Variants in LSAMP observed in about 807,000 individuals in gnomAD.
LSAMP encodes the protein limbic system-associated membrane protein.
A neutral mutation model predicts 38.6 loss-of-function variants in LSAMP; 7 were observed. The ratio of observed to expected loss-of-function variants is 0.18; its 90% confidence interval spans 0.10 to 0.34. The LOEUF is 0.34. Among genes scored for constraint, LSAMP ranks in the 10% least tolerant of loss-of-function variants. LSAMP has a pLI of 1.00. For missense variants in LSAMP, 313 were observed against 420.0 expected, an observed-to-expected ratio of 0.75 and a Z score of 2.23; for synonymous variants, 154 against 166.8, an observed-to-expected ratio of 0.92 and a Z score of 0.59.
chr3:116,417,328 A>C (rs188316805), intron 1 of LSAMP, among the ~76,000 whole-genome samples: 3 of 152,360 alleles, frequency 2.0e-5, no homozygotes, highest in Admixed American at 1.3e-4. Flanking sequence ...TCTCTGGGTC[A>C]GTCCTAGCCA....
chr3:116,397,562 G>A (rs1295119071), intron 1 of LSAMP, among the ~76,000 whole-genome samples: 1 of 152,170 alleles, frequency 6.6e-6, no homozygotes, highest in African/African-American at 2.4e-5. Context: ...TGAAATTTCT[G>A]TGTGTTTTGT....
chr3:116,422,848 G>T (rs1352630447), intron 1 of LSAMP, among the ~76,000 whole-genome samples: 2 of 152,064 alleles, frequency 1.3e-5, no homozygotes, highest in African/African-American at 2.4e-5. Flanking sequence ...TGTCTTACCT[G>T]GATACCTTCT....
chr3:116,331,555 GA>G (rs879667902), intron 1 of LSAMP, among the ~76,000 whole-genome samples: 6 of 152,138 alleles, frequency 3.9e-5, no homozygotes, highest in Non-Finnish European at 8.8e-5. Flanking sequence ...ATTCACATCA[GA>G]AACTTGGATA....
intron 3 of LSAMP, among the ~76,000 whole-genome samples, chr3:116,018,600 G>A (rs966802941): frequency 6.6e-6 from 1 of 151,988 alleles, no homozygotes; most frequent in African/African-American, 2.4e-5. Context: ...TATCTTTCTG[G>A]AAGATTTAAA....
At chr3:115,851,799 C>A (rs1459804943) in intron 4 of LSAMP, among the ~76,000 whole-genome samples, 2 of 152,130 alleles carry the variant, frequency 1.3e-5, no homozygotes, top group East Asian at 1.9e-4. Context: ...TCTCTTTATT[C>A]CTTTGCTGGG....
intron 3 of LSAMP, among the ~76,000 whole-genome samples, chr3:115,921,928 T>C (rs1437026890): frequency 2.6e-5 from 4 of 152,236 alleles, no homozygotes; most frequent in Admixed American, 2.0e-4. Context: ...AATAATCTTA[T>C]GATTACTCCC....
At chr3:116,442,707 A>G (rs2049453732) in intron 1 of LSAMP, among the ~76,000 whole-genome samples, 1 of 152,338 alleles carries the variant, frequency 6.6e-6, no homozygotes, top group East Asian at 1.9e-4. Context: ...ATGGTGTTTC[A>G]TAGGCGACTT....
At chr3:116,079,107 C>T (rs571815617) in intron 2 of LSAMP, among the ~76,000 whole-genome samples, 1 of 152,312 alleles carries the variant, frequency 6.6e-6, no homozygotes, top group South Asian at 2.1e-4. Context: ...TCCCTGTCCA[C>T]ATTTATACTA....
At chr3:116,048,250 A>T (rs118072299) in intron 2 of LSAMP, among the ~76,000 whole-genome samples, 2 of 152,242 alleles carry the variant, frequency 1.3e-5, no homozygotes, top group African/African-American at 4.8e-5. Flanking sequence ...GTTAACAAAC[A>T]TATATATCTT....
chr3:116,294,481 C>A (rs1251660343), intron 1 of LSAMP, among the ~76,000 whole-genome samples: 2 of 151,978 alleles, frequency 1.3e-5, no homozygotes, highest in Admixed American at 6.6e-5. Flanking sequence ...GAAAATCAAT[C>A]TGAAATAAAA....
At position 116,053,161 on chromosome 3, in the gene LSAMP, A is replaced by G. The variant is rs995986871; in HGVS notation, c.388+33163T>C. Among the ~76,000 whole-genome samples, 4 of 152,248 alleles carry G rather than the reference A, an allele frequency of 2.6e-5. No individual in the cohort carries two copies. The East Asian group carries it at 7.7e-4, about 29-fold the overall frequency. On this transcript the variant is annotated intron_variant, in intron 2 of 6. Coordinates refer to ENST00000490035, the MANE Select transcript of LSAMP (RefSeq NM_002338.5). Reference sequence around the variant, plus strand: ...ATATCTCAGATCCACAGCCCTGACTACAAGGATGCTGTGACTGATAGATGA... The same window carrying G: ...ATATCTCAGATCCACAGCCCTGACTGCAAGGATGCTGTGACTGATAGATGA...
intron 1 of LSAMP, among the ~76,000 whole-genome samples, chr3:116,444,174 A>G (rs111716473): frequency 6.6e-6 from 1 of 152,106 alleles, no homozygotes; most frequent in Admixed American, 6.5e-5. Flanking sequence ...AATATCAGCA[A>G]TTTGGCAAAT....
intron 1 of LSAMP, among the ~76,000 whole-genome samples, chr3:116,254,967 G>T (rs1481907759): frequency 6.6e-6 from 1 of 152,132 alleles, no homozygotes; most frequent in Non-Finnish European, 1.5e-5. Context: ...CTTTTCACCA[G>T]TTACTGAGAT....
At chr3:115,818,251 TC>T (rs777951798) in intron 6 of LSAMP, among the ~76,000 whole-genome samples, 21 of 152,318 alleles carry the variant, frequency 1.4e-4, no homozygotes, top group Non-Finnish European at 2.1e-4. Context: ...CTTTCCTCTT[TC>T]TTGCATCAAG....
chr3:116,263,755 G>A (rs1237095515), intron 1 of LSAMP, among the ~76,000 whole-genome samples: 1 of 152,026 alleles, frequency 6.6e-6, no homozygotes, highest in African/African-American at 2.4e-5. Context: ...AACAATTAAT[G>A]GTTATATCCA....
intron 6 of LSAMP, chr3:115,814,252 G>A (rs1192176069): frequency 6.6e-6 from 1 of 152,158 alleles, no homozygotes; most frequent in African/African-American, 2.4e-5. Context: ...CAAATCATAA[G>A]TCAACATGCC....
At chr3:115,843,291 T>C (rs1254925194) in intron 4 of LSAMP, among the ~76,000 whole-genome samples, 1 of 152,258 alleles carries the variant, frequency 6.6e-6, no homozygotes, top group Non-Finnish European at 1.5e-5. Context: ...TGCCCAGGAA[T>C]GGGCCTACAA....
chr3:115,920,060 T>C (rs1937347098), intron 3 of LSAMP, among the ~76,000 whole-genome samples: 1 of 152,212 alleles, frequency 6.6e-6, no homozygotes, highest in South Asian at 2.1e-4. Context: ...TTCTCTTGCA[T>C]ATATACCACA....
chr3:116,249,377 T>C (rs2046648665), intron 1 of LSAMP, among the ~76,000 whole-genome samples: 2 of 119,782 alleles, frequency 1.7e-5, no homozygotes, highest in African/African-American at 2.8e-5. Context: ...TGGAGACTAG[T>C]AGAAGATTCT....
Sources: gnomAD v4.1 joint callset for allele counts (sites outside exome capture counted in the v4.1 genomes callset) on GRCh38, gnomAD v4.1.1 for gene constraint, MANE v1.5 for transcripts, NCBI Gene and HGNC (gene_info 2026-07-23, HGNC 2026-07-21) for gene names.